The following ZNF385B variants were observed in gnomAD, a reference collection of about 807,000 sequenced individuals.
ZNF385B encodes zinc finger protein 533.
In ZNF385B, 23 loss-of-function variants were observed where a neutral mutation model predicts 39.2. The ratio of observed to expected loss-of-function variants is 0.59; its 90% CI spans 0.42 to 0.83. The LOEUF (loss-of-function observed/expected upper bound fraction) is 0.83. Among genes scored for constraint, ZNF385B ranks in the 40% least tolerant of loss-of-function variants. The pLI is 0.00. For synonymous variants in ZNF385B, 205 were observed against 222.6 expected (o/e 0.92, Z 0.70); for missense variants, 552 against 598.9 (o/e 0.92, Z 0.82).
At chr2:179,475,467 G>A (rs1184476388) in intron 6 of ZNF385B, among the ~76,000 whole-genome samples, 1 of 151,716 alleles carries the variant, frequency 6.6e-6, no homozygotes, top group Non-Finnish European at 1.5e-5. Flanking sequence ...GGCCAGGCTG[G>A]TCTTGAACTC....
chr2:179,572,766 T>C (rs758697457), intron 3 of ZNF385B, among the ~76,000 whole-genome samples: 2 of 152,112 alleles, frequency 1.3e-5, no homozygotes, highest in South Asian at 2.1e-4. Context: ...TACCTACCCA[T>C]ACTACCACAA....
At chr2:179,479,145 C>T (rs76448691) in intron 6 of ZNF385B, among the ~76,000 whole-genome samples, 2,288 of 152,226 alleles carry the variant, frequency 0.015, 60 homozygotes, top group African/African-American at 0.052. Context: ...GTAACTCTAC[C>T]TCAACTTCCA....
At chr2:179,771,470 G>T (rs572967782) in intron 1 of ZNF385B, among the ~76,000 whole-genome samples, 59 of 152,210 alleles carry the variant, frequency 3.9e-4, no homozygotes, top group Non-Finnish European at 7.1e-4. Flanking sequence ...CCATTTTAAA[G>T]AACTCTCATA....
intron 3 of ZNF385B, among the ~76,000 whole-genome samples, chr2:179,647,139 C>T (rs1232029225): frequency 6.6e-5 from 10 of 152,178 alleles, no homozygotes; most frequent in Admixed American, 6.5e-4. Context: ...TTGCAGTCTG[C>T]AGCATTCCCC....
intron 3 of ZNF385B, among the ~76,000 whole-genome samples, chr2:179,677,124 T>C (rs12614697): frequency 0.14 from 21,671 of 152,152 alleles, 1,728 homozygotes; most frequent in Non-Finnish European, 0.19. Flanking sequence ...TCAAACTGCA[T>C]TCCCAGCTTG....
chr2:179,721,286 A>C (rs962217928), intron 3 of ZNF385B, among the ~76,000 whole-genome samples: 6 of 152,178 alleles, frequency 3.9e-5, no homozygotes. Context: ...GGAAAACATA[A>C]ACGCAATGAA....
chr2:179,779,333 C>A (rs1704529699), intron 1 of ZNF385B, among the ~76,000 whole-genome samples: 2 of 152,158 alleles, frequency 1.3e-5, no homozygotes, highest in South Asian at 2.1e-4. Context: ...CTAAAAGCAG[C>A]CCAGTTCATC....
At chr2:179,748,481 A>G (rs2106464535) in intron 3 of ZNF385B, among the ~76,000 whole-genome samples, 1 of 152,222 alleles carries the variant, frequency 6.6e-6, no homozygotes, top group South Asian at 2.1e-4. Flanking sequence ...AAAGCAAAAT[A>G]TCCATAATGT....
At chr2:179,463,572 C>A (rs945816826) in intron 6 of ZNF385B, among the ~76,000 whole-genome samples, 4 of 151,472 alleles carry the variant, frequency 2.6e-5, no homozygotes, top group Non-Finnish European at 5.9e-5. Context: ...TCTCATTGTT[C>A]AACTCCCACT....
At chr2:179,718,581 T>C (rs1380405386) in intron 3 of ZNF385B, among the ~76,000 whole-genome samples, 1 of 149,728 alleles carries the variant, frequency 6.7e-6, no homozygotes, top group Non-Finnish European at 1.5e-5. Context: ...CTAACATCTG[T>C]ACTTTGAGCT....
intron 3 of ZNF385B, among the ~76,000 whole-genome samples, chr2:179,759,030 C>T (rs988146658): frequency 1.3e-5 from 2 of 152,194 alleles, no homozygotes; most frequent in Non-Finnish European, 2.9e-5. Context: ...ACACACCAAG[C>T]TTTTCCTCAA....
intron 6 of ZNF385B, among the ~76,000 whole-genome samples, chr2:179,471,959 C>T (rs1445092775): frequency 2.6e-5 from 4 of 152,124 alleles, no homozygotes; most frequent in African/African-American, 9.7e-5. Context: ...TCCCCTAGTA[C>T]TAATAATCTT....
intron 3 of ZNF385B, among the ~76,000 whole-genome samples, chr2:179,669,497 A>T (rs1354662404): frequency 6.6e-6 from 1 of 152,156 alleles, no homozygotes; most frequent in Non-Finnish European, 1.5e-5. Flanking sequence ...GTGCAAAGTG[A>T]CCACTAAGCC....
intron 3 of ZNF385B, among the ~76,000 whole-genome samples, chr2:179,618,191 G>A (rs999497424): frequency 5.3e-5 from 8 of 152,088 alleles, no homozygotes; most frequent in Non-Finnish European, 7.4e-5. Flanking sequence ...CATTTTATCT[G>A]TTACCTTAGA....
intron 3 of ZNF385B, among the ~76,000 whole-genome samples, chr2:179,610,958 T>C (rs1689240427): frequency 6.6e-6 from 1 of 152,202 alleles, no homozygotes; most frequent in Non-Finnish European, 1.5e-5. Flanking sequence ...TTTAGGATTT[T>C]CCAAGTATAA....
At chr2:179,535,363 T>A (rs1357623121) in intron 4 of ZNF385B, among the ~76,000 whole-genome samples, 1 of 152,198 alleles carries the variant, frequency 6.6e-6, no homozygotes, top group Non-Finnish European at 1.5e-5. Context: ...AAAAAATATT[T>A]CGCACATGAA....
chr2:179,698,050 G>A (rs1165962385), intron 3 of ZNF385B, among the ~76,000 whole-genome samples: 3 of 152,186 alleles, frequency 2.0e-5, no homozygotes, highest in Admixed American at 6.5e-5. Flanking sequence ...GTGGAGTGGA[G>A]TGAGGGGGGA....
intron 3 of ZNF385B, among the ~76,000 whole-genome samples, chr2:179,653,897 G>A (rs967495850): frequency 6.6e-6 from 1 of 152,164 alleles, no homozygotes; most frequent in Admixed American, 6.5e-5. Context: ...ATGAAAAATA[G>A]TTGACAATGT....
intron 5 of ZNF385B, among the ~76,000 whole-genome samples, chr2:179,512,126 G>A (rs1486427521): frequency 6.6e-6 from 1 of 152,032 alleles, no homozygotes; most frequent in Non-Finnish European, 1.5e-5. Context: ...CTGACTTAGA[G>A]TATATAAAAC....
Sources: allele counts gnomAD v4.1 joint callset (sites outside exome capture counted in the v4.1 genomes callset), GRCh38; gene constraint gnomAD v4.1.1; transcripts MANE v1.5; gene names NCBI Gene and HGNC (gene_info 2026-07-23, HGNC 2026-07-21).